MCC: variants seen among roughly 807,000 people sequenced by gnomAD.
MCC encodes the protein MCC regulator of Wnt signaling pathway.
MCC carries 90 observed loss-of-function variants against 116.2 expected under a neutral mutation model. That is an observed-to-expected ratio of 0.77 (90% CI 0.65 to 0.92). The LOEUF (loss-of-function observed/expected upper bound fraction) is 0.92. Ranked by LOEUF, MCC falls within the 40% of genes least tolerant of loss-of-function variation. The probability of loss-of-function intolerance (pLI) is 0.00; values close to 1 mark genes in which losing one functional copy is unlikely to be tolerated. For synonymous variants in MCC, 578 were observed against 510.5 expected, an observed-to-expected ratio of 1.13 and a Z score of -1.78; for missense variants, 1,516 against 1,312.2, an observed-to-expected ratio of 1.16 and a Z score of -2.40.
intron 3 of MCC, among the ~76,000 whole-genome samples, chr5:113,182,744 T>C (rs1172650242): frequency 1.3e-5 from 2 of 152,248 alleles, no homozygotes; most frequent in Non-Finnish European, 2.9e-5. Context: ...GGTGAACTTC[T>C]ATATTTATCT....
At chr5:113,059,729 G>A (rs75866196) in intron 14 of MCC, among the ~76,000 whole-genome samples, 13,005 of 152,272 alleles carry the variant, frequency 0.085, 841 homozygotes, top group African/African-American at 0.18. Context: ...CTCCCGTCAC[G>A]CTGGCTTTCC....
chr5:113,085,356 A>T (rs754807728), intron 8 of MCC, 46 bp from the exon 9 acceptor site: 1 of 1,559,030 alleles, frequency 6.4e-7, no homozygotes, highest in South Asian at 1.2e-5. Flanking sequence ...TTCCCTGGCT[A>T]AAGAGCAAAA....
rs150642103 is a variant in MCC, at chr5:113,175,683, T to C, written c.628-24261A>G. On this transcript the variant is annotated intron_variant, in intron 3 of 18. Coordinates refer to ENST00000408903, the MANE Select transcript of MCC (RefSeq NM_001085377.2). ...TGAAATTTGTATTAGATTGTAAATA[T>C]TGTTTTGGTGTACCCCCAGGGGATT... Among the ~76,000 whole-genome samples the C allele has an allele frequency of 1.3e-3, 202 of 152,268 alleles. 2 individuals are homozygous for C. The South Asian group carries it at 0.027, about 20-fold the overall frequency.
chr5:113,064,309 G>T, intron 13 of MCC, 142 bp from the exon 14 acceptor site: 1 of 721,800 alleles, frequency 1.4e-6, no homozygotes, highest in South Asian at 1.9e-5. Context: ...CCGAAGAGAA[G>T]ATCTGTGTTC....
chr5:113,250,249 C>T (rs532986789), intron 3 of MCC, among the ~76,000 whole-genome samples: 2 of 152,312 alleles, frequency 1.3e-5, no homozygotes, highest in Non-Finnish European at 2.9e-5. Flanking sequence ...GACAGAGTCA[C>T]CAAGGAGCAT....
At chr5:113,134,079 A>C (rs976967133) in intron 5 of MCC, among the ~76,000 whole-genome samples, 3 of 152,128 alleles carry the variant, frequency 2.0e-5, no homozygotes, top group African/African-American at 7.2e-5. Context: ...TTTTAGTTTG[A>C]TGTAATCCCA....
chr5:113,151,146 A>G (rs970988079), intron 4 of MCC, among the ~76,000 whole-genome samples, 163 bp downstream of exon 4: 4 of 152,220 alleles, frequency 2.6e-5, no homozygotes, highest in African/African-American at 9.6e-5. Context: ...TAAGCCACAA[A>G]TCTATGGCAT....
Position 113,471,342 on chromosome 5 carries a change from G to C in MCC, c.170+16903C>G, listed in dbSNP as rs1245358215. Among the ~76,000 whole-genome samples the C allele has an allele frequency of 3.3e-5, 5 of 152,270 alleles. No homozygotes were observed. The South Asian group carries it at 6.2e-4, about 19-fold the overall frequency. On this transcript the variant is annotated intron_variant, in intron 1 of 18. Coordinates refer to ENST00000408903, the MANE Select transcript of MCC (RefSeq NM_001085377.2). ...TGGTCTTTGATGATGGTGACGTACA[G>C]ATGGGTTTTTGGTGTGGATGTCCTG...
At chr5:113,099,677 C>A (rs1035065356) in intron 8 of MCC, among the ~76,000 whole-genome samples, 3 of 152,352 alleles carry the variant, frequency 2.0e-5, no homozygotes, top group Middle Eastern at 3.4e-3. Context: ...CCCAGGCAAT[C>A]TGGCTCCAGA....
chr5:113,307,961 G>T (rs190786410), intron 3 of MCC, among the ~76,000 whole-genome samples: 164 of 145,748 alleles, frequency 1.1e-3, no homozygotes, highest in African/African-American at 3.9e-3. Context: ...AGCTCCATTT[G>T]CCTGTCTAAA....
At chr5:113,036,538 T>G (rs929399821) in intron 17 of MCC, among the ~76,000 whole-genome samples, 1 of 152,216 alleles carries the variant, frequency 6.6e-6, no homozygotes, top group African/African-American at 2.4e-5. Context: ...CCCCAGATAA[T>G]GAGGTTCTGC....
At chr5:113,109,747 C>G (rs1756975650) in intron 6 of MCC, among the ~76,000 whole-genome samples, 1 of 152,012 alleles carries the variant, frequency 6.6e-6, no homozygotes, top group Non-Finnish European at 1.5e-5. Context: ...TCAAGAATGG[C>G]AGCACATTCA....
chr5:113,259,627 G>A (rs1765147831), intron 3 of MCC, among the ~76,000 whole-genome samples: 2 of 152,172 alleles, frequency 1.3e-5, no homozygotes, highest in African/African-American at 4.8e-5. Context: ...TTGCAGCAGA[G>A]TGCGGCCAGG....
intron 3 of MCC, among the ~76,000 whole-genome samples, chr5:113,266,464 C>A (rs1765421598): frequency 6.6e-6 from 1 of 152,184 alleles, no homozygotes; most frequent in Non-Finnish European, 1.5e-5. Flanking sequence ...GGGAAATTCC[C>A]AATATCTCAC....
At position 113,027,245 on chromosome 5, in the gene MCC, C is replaced by T. The variant is rs2150204690; in HGVS notation, c.*57G>A. On this transcript the variant is annotated 3_prime_UTR_variant, in exon 19 of 19. Transcript: ENST00000408903. ...AACAAGTACATGGGCCCTTCTGTCC[C>T]CAGTGGCCTGCTGCAGTTTACTTCC... is the stretch of plus-strand genomic sequence containing the variant. 6.3e-7 allele frequency: 1 copy of T among 1,578,106 alleles called. No individual in the cohort carries two copies. The highest frequency in any genetic ancestry group is 8.7e-7 in the Non-Finnish European group (1 of 1,155,976).
At chr5:113,034,741 TCACTGAGCTCAC>T (rs1393045432) in intron 17 of MCC, among the ~76,000 whole-genome samples, 30 of 152,314 alleles carry the variant, frequency 2.0e-4, no homozygotes, top group African/African-American at 7.0e-4. Flanking sequence ...CTGACGTGGA[TCACTGAGCTCAC>T]CAGTGAGCTC....
chr5:113,204,542 T>C (rs1175779738), intron 3 of MCC: 1 of 152,248 alleles, frequency 6.6e-6, no homozygotes, highest in Non-Finnish European at 1.5e-5. Context: ...GTCTCTGTTC[T>C]CTCGTCTCTG....
At chr5:113,045,442 AAAG>A (rs1245618101) in intron 16 of MCC, among the ~76,000 whole-genome samples, 1 of 152,220 alleles carries the variant, frequency 6.6e-6, no homozygotes, top group African/African-American at 2.4e-5. Context: ...TAAAAAGTCA[AAAG>A]AAGAGTATTC....
chr5:113,189,878 A>G (rs1417626686), intron 3 of MCC, among the ~76,000 whole-genome samples: 2 of 152,238 alleles, frequency 1.3e-5, no homozygotes, highest in Admixed American at 6.5e-5. Context: ...CACCATTACC[A>G]GTGAAGCTAT....
Sources: gnomAD v4.1 joint callset for allele counts (sites outside exome capture counted in the v4.1 genomes callset) on GRCh38, gnomAD v4.1.1 for gene constraint, MANE v1.5 for transcripts, NCBI Gene and HGNC (gene_info 2026-07-23, HGNC 2026-07-21) for gene names.